GPM6A: variants seen among roughly 807,000 people sequenced by gnomAD.
The protein encoded by GPM6A is neuronal membrane glycoprotein M6-a.
A neutral mutation model predicts 32.1 loss-of-function variants in GPM6A; 7 were observed. The ratio of observed to expected loss-of-function variants is 0.22; its 90% CI spans 0.12 to 0.41. The LOEUF (loss-of-function observed/expected upper bound fraction) is 0.41, where lower values mean the gene tolerates loss of function less well. Among genes scored for constraint, GPM6A ranks in the 10% least tolerant of loss-of-function variants. GPM6A has a pLI of 1.00. For missense variants in GPM6A, 235 were observed against 347.2 expected (o/e 0.68, Z 2.57); for synonymous variants, 130 against 123.4 (o/e 1.05, Z -0.35).
chr4:175,775,930 G>T (rs970197782), intron 1 of GPM6A, among the ~76,000 whole-genome samples: 1 of 151,990 alleles, frequency 6.6e-6, no homozygotes, highest in African/African-American at 2.4e-5. Flanking sequence ...ATTCTGTGTT[G>T]ACTAGAATAT....
intron 4 of GPM6A, among the ~76,000 whole-genome samples, chr4:175,647,363 A>T (rs966685040): frequency 2.6e-5 from 4 of 152,244 alleles, no homozygotes; most frequent in African/African-American, 9.6e-5. Context: ...TGAATCACAG[A>T]ATATATAATT....
chr4:175,690,831 A>AGT (rs1744256072), intron 2 of GPM6A, among the ~76,000 whole-genome samples: 12 of 152,208 alleles, frequency 7.9e-5, no homozygotes, highest in Admixed American at 2.6e-4. Flanking sequence ...CAAGGATTAT[A>AGT]ATATTGAGGG....
intron 2 of GPM6A, among the ~76,000 whole-genome samples, chr4:175,700,823 A>C (rs1441909532): frequency 1.3e-5 from 2 of 152,196 alleles, no homozygotes; most frequent in Non-Finnish European, 2.9e-5. Flanking sequence ...CACTGAATAA[A>C]TTATCTGAAT....
At chr4:175,816,450 C>T (rs551420913), upstream of GPM6A, among the ~76,000 whole-genome samples, 2 of 152,258 alleles carry the variant, frequency 1.3e-5, no homozygotes, top group South Asian at 4.2e-4. Flanking sequence ...TAAATATCGA[C>T]ATATTCCTCT....
At chr4:175,741,222 T>A (rs776570107) in intron 1 of GPM6A, among the ~76,000 whole-genome samples, 1 of 151,950 alleles carries the variant, frequency 6.6e-6, no homozygotes, top group Admixed American at 6.6e-5. Context: ...AAATATGAAA[T>A]GTTTCCCTTT....
At chr4:175,660,569 T>TAAA (rs902327736) in intron 3 of GPM6A, among the ~76,000 whole-genome samples, 1 of 152,146 alleles carries the variant, frequency 6.6e-6, no homozygotes, top group Middle Eastern at 3.2e-3. Context: ...AATATGTTGC[T>TAAA]AAAAAATAAC....
At chr4:175,888,414 T>C (rs938548140) in intron 1 of GPM6A, among the ~76,000 whole-genome samples, 1 of 152,000 alleles carries the variant, frequency 6.6e-6, no homozygotes, top group African/African-American at 2.4e-5. Context: ...GAGTGTTTGC[T>C]TCTGTAAATC....
intron 1 of GPM6A, among the ~76,000 whole-genome samples, chr4:175,829,195 G>A (rs766883212): frequency 6.6e-6 from 1 of 152,190 alleles, no homozygotes; most frequent in African/African-American, 2.4e-5. Flanking sequence ...CTTCCAAAGT[G>A]CTGGGAGCCA....
chr4:175,801,989 A>G (rs1734490829), intron 1 of GPM6A, among the ~76,000 whole-genome samples: 1 of 152,088 alleles, frequency 6.6e-6, no homozygotes. Flanking sequence ...TAAGCATACT[A>G]CACTCCGTAT....
rs572867207 is a variant in GPM6A at position 175,918,855 on chromosome 4, A to T, written c.-23+83454T>A. On this transcript the variant is annotated intron_variant, in intron 1 of 7. Transcript: ENST00000280187. ...ATTAATAAGAAGGAATTATCATCACATCTATACAGCATTCTTTTATGATTT... is the reference window on the plus strand; with the variant it reads ...ATTAATAAGAAGGAATTATCATCACTTCTATACAGCATTCTTTTATGATTT... Among the ~76,000 whole-genome samples, 3 of 152,246 alleles carry T rather than the reference A, an allele frequency of 2.0e-5. No homozygotes were observed. The East Asian group carries it at 5.8e-4, about 29-fold the overall frequency.
At chr4:175,848,395 G>A (rs945419403) in intron 1 of GPM6A, among the ~76,000 whole-genome samples, 3 of 152,078 alleles carry the variant, frequency 2.0e-5, no homozygotes, top group Non-Finnish European at 2.9e-5. Context: ...TCTTAAATGG[G>A]AGGCCCTAGA....
intron 1 of GPM6A, among the ~76,000 whole-genome samples, chr4:175,734,300 C>G (rs1275872368): frequency 2.0e-5 from 3 of 152,008 alleles, no homozygotes; most frequent in Non-Finnish European, 2.9e-5. Context: ...ACCCAAAAGA[C>G]CCTCAATTAA....
chr4:175,865,259 G>T (rs1736696694), intron 1 of GPM6A, among the ~76,000 whole-genome samples: 1 of 152,172 alleles, frequency 6.6e-6, no homozygotes, highest in Admixed American at 6.5e-5. Flanking sequence ...TATAGATGTG[G>T]TTCCATCCCT....
At chr4:175,958,922 C>T (rs973940136) in intron 1 of GPM6A, among the ~76,000 whole-genome samples, 15 of 152,272 alleles carry the variant, frequency 9.9e-5, no homozygotes, top group Non-Finnish European at 1.6e-4. Context: ...CTGAATTTCA[C>T]CTACCTGCAA....
At chr4:175,938,737 C>CAAAAAAAAA (rs3034711) in intron 1 of GPM6A, among the ~76,000 whole-genome samples, 3 of 134,096 alleles carry the variant, frequency 2.2e-5, no homozygotes. Context: ...AAAGTAAAAC[C>CAAAAAAAAA]AAAAAAAAAA....
chr4:175,676,991 A>G (rs964256504), intron 2 of GPM6A, among the ~76,000 whole-genome samples: 1 of 152,122 alleles, frequency 6.6e-6, no homozygotes, highest in Admixed American at 6.6e-5. Context: ...CTCAAACTTA[A>G]CTTGTCAAAT....
chr4:175,864,876 G>A (rs1242760131), intron 1 of GPM6A, among the ~76,000 whole-genome samples: 12 of 146,806 alleles, frequency 8.2e-5, no homozygotes, highest in Admixed American at 6.2e-4. Flanking sequence ...GTGTGATCTC[G>A]GCTCACTGCA....
At chr4:175,637,294 ATAT>A (rs1740740843) in intron 6 of GPM6A, among the ~76,000 whole-genome samples, 1 of 35,564 alleles carries the variant, frequency 2.8e-5, no homozygotes, top group African/African-American at 1.0e-4. Context: ...TATAAAATAT[ATAT>A]TATATATTAT....
chr4:175,774,904 T>A (rs1376102154), intron 1 of GPM6A, among the ~76,000 whole-genome samples: 1 of 146,056 alleles, frequency 6.8e-6, no homozygotes, highest in East Asian at 1.9e-4. Context: ...TGTGTGTCCA[T>A]TCATTGTTTT....
Sources: gnomAD v4.1 joint callset for allele counts (sites outside exome capture counted in the v4.1 genomes callset) on GRCh38, gnomAD v4.1.1 for gene constraint, MANE v1.5 for transcripts, NCBI Gene and HGNC (gene_info 2026-07-23, HGNC 2026-07-21) for gene names.